EYA3: variants seen among roughly 807,000 people sequenced by gnomAD.
The protein encoded by EYA3 is EYA transcriptional coactivator and phosphatase 3.
EYA3 carries 39 observed loss-of-function variants against 80.0 expected under a neutral mutation model. The ratio of observed to expected loss-of-function variants is 0.49; its 90% confidence interval spans 0.38 to 0.64. The LOEUF (loss-of-function observed/expected upper bound fraction) is 0.64. EYA3 is among the 30% of genes least tolerant of loss of function. The pLI, the probability that EYA3 is intolerant of heterozygous loss-of-function variation, is 0.00. For missense variants in EYA3, 523 were observed against 676.1 expected, an observed-to-expected ratio of 0.77 and a Z score of 2.51; for synonymous variants, 206 against 232.8, an observed-to-expected ratio of 0.88 and a Z score of 1.05.
At chr1:28,053,351 C>T (rs1644335620) in intron 2 of EYA3, among the ~76,000 whole-genome samples, 1 of 152,170 alleles carries the variant, frequency 6.6e-6, no homozygotes, top group African/African-American at 2.4e-5. Context: ...ATCCTATGGG[C>T]ATATAATGGC....
chr1:27,995,285 G>A (rs908078512), intron 13 of EYA3, among the ~76,000 whole-genome samples: 39 of 151,704 alleles, frequency 2.6e-4, no homozygotes, highest in African/African-American at 9.0e-4. Flanking sequence ...GGTGGCATGC[G>A]CCTGTGGGCC....
intron 16 of EYA3, among the ~76,000 whole-genome samples, chr1:27,987,482 C>T (rs11247734): frequency 0.33 from 50,793 of 151,974 alleles, 8,646 homozygotes; most frequent in East Asian, 0.5. Flanking sequence ...ATTTCAAGAA[C>T]CTGAGACCCA....
intron 14 of EYA3, chr1:27,990,446 C>T (rs1053215921): frequency 6.6e-6 from 1 of 152,002 alleles, no homozygotes; most frequent in Admixed American, 6.6e-5. Context: ...ATGGCAACCT[C>T]GTGTTTCTCC....
intron 14 of EYA3, among the ~76,000 whole-genome samples, chr1:27,992,202 C>T (rs1158245659): frequency 1.3e-5 from 2 of 152,032 alleles, no homozygotes; most frequent in Non-Finnish European, 2.9e-5. Context: ...TACCTCTAGG[C>T]CAGCAGTCCT....
At chr1:28,048,090 T>C (rs1158210964) in intron 3 of EYA3, among the ~76,000 whole-genome samples, 1 of 152,188 alleles carries the variant, frequency 6.6e-6, no homozygotes, top group Non-Finnish European at 1.5e-5. Flanking sequence ...ATATGGTGCT[T>C]TTCATCTTTA....
In EYA3 at chr1:28,002,183, G is replaced by A. The variant is rs1640909179; in HGVS notation, c.994-2134C>T. On this transcript the variant is annotated intron_variant, in intron 11 of 17. Transcript: ENST00000373871. The stretch of plus-strand genomic sequence containing the variant: ...GCCCTCCTCGGCCTCCCAAAGTGCT[G>A]GGATTACAGGTGTGAGCCACCGCAC... Among the ~76,000 whole-genome samples the A allele has an allele frequency of 2.0e-5, 3 of 152,038 alleles. No homozygotes were observed. The South Asian group carries it at 6.2e-4, about 32-fold the overall frequency.
At chr1:28,027,068 A>G (rs1404449693) in intron 7 of EYA3, among the ~76,000 whole-genome samples, 1 of 152,212 alleles carries the variant, frequency 6.6e-6, no homozygotes, top group Non-Finnish European at 1.5e-5. Context: ...AAAAGCTGGG[A>G]AATATCAGGA....
intron 10 of EYA3, among the ~76,000 whole-genome samples, chr1:28,005,810 A>G (rs180703247): frequency 6.6e-6 from 1 of 152,288 alleles, no homozygotes; most frequent in Non-Finnish European, 1.5e-5. Context: ...ATATTAAAAG[A>G]ATTAAACATC....
intron 3 of EYA3, among the ~76,000 whole-genome samples, chr1:28,047,271 T>C (rs922617556): frequency 6.6e-6 from 1 of 152,024 alleles, no homozygotes; most frequent in Admixed American, 6.6e-5. Flanking sequence ...TAGCTGGGAT[T>C]ATAGGCTCAA....
At chr1:27,975,749 G>A (rs1638902618) in intron 17 of EYA3, among the ~76,000 whole-genome samples, 1 of 151,722 alleles carries the variant, frequency 6.6e-6, no homozygotes, top group African/African-American at 2.4e-5. Flanking sequence ...CTCCCAAAGT[G>A]TTGGGATTAC....
intron 14 of EYA3, among the ~76,000 whole-genome samples, chr1:27,991,736 G>A (rs189543061): frequency 2.6e-5 from 4 of 151,488 alleles, no homozygotes; most frequent in East Asian, 1.9e-4. Flanking sequence ...ATGATGTGGC[G>A]CTTTCATCAA....
intron 3 of EYA3, among the ~76,000 whole-genome samples, chr1:28,046,974 T>C (rs1282565398): frequency 6.7e-6 from 1 of 150,046 alleles, no homozygotes; most frequent in Non-Finnish European, 1.5e-5. Context: ...CAGCCCCGAG[T>C]AGCTGGGACT....
Position 28,011,201 on chromosome 1 carries a change from T to C in EYA3, c.770-115A>G, listed in dbSNP as rs115913815. The C allele has an allele frequency of 6.6e-4, 767 of 1,166,650 alleles. 1 individual carries two copies. The African/African-American group carries it at 0.011, about 17-fold the overall frequency. The allele number at this position is 1,166,650 out of a possible 1,614,324, so 72.3% of individuals were successfully genotyped here. The stretch of plus-strand genomic sequence containing the variant: ...TGAGTCATAATGCAGGGATAAAGGT[T>C]GGAAAGCTAAACCTTATGTAAGCAA... On this transcript the variant is annotated intron_variant, in intron 9 of 17. Coordinates refer to ENST00000373871, the MANE Select transcript of EYA3 (RefSeq NM_001990.4).
intron 9 of EYA3, among the ~76,000 whole-genome samples, chr1:28,012,873 T>C (rs1283917591): frequency 6.6e-6 from 1 of 152,120 alleles, no homozygotes; most frequent in East Asian, 1.9e-4. Context: ...GAGGGTAGAG[T>C]ACGAGTCAGA....
chr1:28,014,089 G>A (rs1262950074), intron 8 of EYA3, among the ~76,000 whole-genome samples: 3 of 151,874 alleles, frequency 2.0e-5, no homozygotes, highest in African/African-American at 7.3e-5. Flanking sequence ...AAAACAACCT[G>A]ATTATCTACC....
In EYA3 at chr1:28,053,445, A is replaced by G. The variant is rs114097325; in HGVS notation, c.33+4549T>C. On this transcript the variant is annotated intron_variant, in intron 2 of 17. Transcript: ENST00000373871. Reference sequence around the variant, plus strand: ...TGCTTCTGCTACAATGTATAATCACACTTTAAATATAACACAGCAAGGAAA... The same window carrying G: ...TGCTTCTGCTACAATGTATAATCACGCTTTAAATATAACACAGCAAGGAAA... Among the ~76,000 whole-genome samples, 717 of 152,336 alleles carry G rather than the reference A, an allele frequency of 4.7e-3. 10 individuals are homozygous for G. The highest frequency in any genetic ancestry group is 0.016 in the African/African-American group (681 of 41,572).
intron 10 of EYA3, among the ~76,000 whole-genome samples, chr1:28,010,635 T>C (rs957605545): frequency 6.6e-6 from 1 of 152,172 alleles, no homozygotes; most frequent in African/African-American, 2.4e-5. Context: ...CCTCCCAAAG[T>C]GCTGGGATTA....
intron 1 of EYA3, among the ~76,000 whole-genome samples, chr1:28,085,337 A>T (rs1277990336): frequency 6.6e-6 from 1 of 152,136 alleles, no homozygotes; most frequent in African/African-American, 2.4e-5. Context: ...CTGTAGTCCC[A>T]GCTATTCTGG....
chr1:28,009,639 A>AAACAAAAACAAC lies in EYA3; in HGVS notation c.909+1307_909+1308insGTTGTTTTTGTT, dbSNP rs1553144733. On this transcript the variant is annotated intron_variant, in intron 10 of 17. Coordinates refer to ENST00000373871, the MANE Select transcript of EYA3 (RefSeq NM_001990.4). The surrounding 1 kb of genome is among the most constrained non-coding windows in gnomAD (Gnocchi z 4.8). Reference sequence around the variant, plus strand: ...CACTCCAGCCTGAGACTCCATCTCAAAACAACAACAACAACAACAACAACA... The same window carrying AAACAAAAACAAC: ...CACTCCAGCCTGAGACTCCATCTCAAAACAAAAACAACAACAACAACAACAACAACAACAACA... Among the ~76,000 whole-genome samples the AAACAAAAACAAC allele has an allele frequency of 9.2e-6, 1 of 108,138 alleles. No individual in the cohort carries two copies. The highest frequency in any genetic ancestry group is 2.1e-5 in the Non-Finnish European group (1 of 46,892). 70.9% of individuals were successfully genotyped at this position (108,138 alleles called of 152,430 possible). A position where few individuals can be genotyped will look rare whatever the true frequency, so the allele number is the denominator to read the frequency against.
Sources: allele counts gnomAD v4.1 joint callset (sites outside exome capture counted in the v4.1 genomes callset), GRCh38; gene constraint gnomAD v4.1.1; non-coding constraint Gnocchi (gnomAD v3.1); transcripts MANE v1.5; gene names NCBI Gene and HGNC (gene_info 2026-07-23, HGNC 2026-07-21).